IP6K1: variants seen among roughly 807,000 people sequenced by gnomAD.
IP6K1 encodes ATP:1D-myo-inositol-hexakisphosphate phosphotransferase.
Under a neutral mutation model 38.3 loss-of-function variants are expected in IP6K1, and 13 were observed. The observed-to-expected ratio is 0.34, with a 90% confidence interval of 0.22 to 0.54. The LOEUF is 0.54. Ranked by LOEUF, IP6K1 falls within the 20% of genes least tolerant of loss-of-function variation. The probability of loss-of-function intolerance (pLI) is 0.92; values close to 1 mark genes in which losing one functional copy is unlikely to be tolerated. For missense variants in IP6K1, 397 were observed against 599.8 expected (o/e 0.66, Z 3.53); for synonymous variants, 212 against 229.9 (o/e 0.92, Z 0.70).
At chr3:49,740,203 C>G (rs888104951) in intron 2 of IP6K1, among the ~76,000 whole-genome samples, 2 of 143,258 alleles carry the variant, frequency 1.4e-5, no homozygotes, top group Non-Finnish European at 3.0e-5. Context: ...ATAGATCGAT[C>G]GATAGAAACA....
chr3:49,747,992 T>C lies in IP6K1; in HGVS notation c.49A>G (p.Ser17Gly). The C allele has an allele frequency of 6.2e-7, 1 of 1,613,936 alleles. No homozygotes were observed. The highest frequency in any genetic ancestry group is 8.5e-7 in the Non-Finnish European group (1 of 1,180,042). Residue 17 changes from serine (S) to glycine (G), a missense_variant, in exon 2 of 6, where the codon AGT becomes GGT. Physicochemically the swap from Ser to Gly is moderately conservative, Grantham distance 56 (BLOSUM62 0). Coordinates refer to ENST00000321599, the MANE Select transcript of IP6K1 (RefSeq NM_153273.4). ...AGGACTCCCCGGTCTCCAGCCCGAC[T>C]TGCATTCTTGCCATACTGCCCCACT... ...MEVGQYGKNASRAGDRGVLLE... is the reference protein window; with the variant it reads ...MEVGQYGKNAGRAGDRGVLLE...
intron 1 of IP6K1, among the ~76,000 whole-genome samples, chr3:49,773,750 G>A (rs2080981128): frequency 6.6e-6 from 1 of 152,138 alleles, no homozygotes. Context: ...ACTGTCTCCA[G>A]GTAAAGTACC....
chr3:49,736,984 G>C (rs2080618465), intron 3 of IP6K1, among the ~76,000 whole-genome samples: 1 of 151,674 alleles, frequency 6.6e-6, no homozygotes, highest in Non-Finnish European at 1.5e-5. Flanking sequence ...GTGTTAGCCA[G>C]GATGGTCTCG....
intron 1 of IP6K1, among the ~76,000 whole-genome samples, chr3:49,777,689 C>T (rs1373573267): frequency 2.0e-5 from 3 of 150,220 alleles, no homozygotes; most frequent in Non-Finnish European, 3.0e-5. Flanking sequence ...CCGAGATGGG[C>T]GGATCACAAG....
rs2080527035 is a variant in IP6K1, at chr3:49,728,206, C to T, written c.689G>A (p.Arg230Gln). ...PCVLDLKMGT[R>Q]QHGDDASAEK... ...AGCTGACGCGTCATCGCCATGCTGC[C>T]GCGTGCCCATCTTCAGGTCCAACAC... is the stretch of plus-strand genomic sequence containing the variant. The change falls in exon 5 of 6, where the codon CGG becomes CAG. Residue 230 changes from arginine to glutamine, a missense_variant. By Grantham distance (43) the Arg-to-Gln change is conservative (BLOSUM62 1). Coordinates refer to ENST00000321599, the MANE Select transcript of IP6K1 (RefSeq NM_153273.4). 1 of 1,614,032 alleles carries T rather than the reference C, an allele frequency of 6.2e-7. No homozygotes were observed. Among genetic ancestry groups the T allele is most frequent in the African/African-American group, 1.3e-5 (1 of 74,924 alleles).
intron 1 of IP6K1, among the ~76,000 whole-genome samples, chr3:49,761,775 A>C (rs2080870193): frequency 6.6e-6 from 1 of 151,904 alleles, no homozygotes; most frequent in Non-Finnish European, 1.5e-5. Flanking sequence ...TCAACAGAGA[A>C]AGACTCTGTC....
At position 49,759,533 on chromosome 3, in the gene IP6K1, A is replaced by G. The variant is rs555857884; in HGVS notation, c.-128-11365T>C. 2.0e-5 allele frequency among the ~76,000 whole-genome samples: 3 copies of G among 152,298 alleles called. 1 individual carries two copies. The Middle Eastern group carries it at 0.01, about 518-fold the overall frequency. Reference sequence around the variant, plus strand: ...ATTTCTTATATAGTTAGACATTTAGAAAACAGTGTAAGGAGATTTCAGGGC... The same window carrying G: ...ATTTCTTATATAGTTAGACATTTAGGAAACAGTGTAAGGAGATTTCAGGGC... On this transcript the variant is annotated intron_variant, in intron 1 of 5. Transcript: ENST00000321599.
Position 49,738,366 on chromosome 3 carries a change from A to T in IP6K1, c.280T>A (p.Tyr94Asn). Residue 94 changes from tyrosine (Y) to asparagine (N), a missense_variant, in exon 3 of 6, where the codon TAT becomes AAT. Around this residue, in one of 3 missense-constraint regions of IP6K1, gnomAD observed 171 missense variants for 237.0 expected, o/e 0.72. Coordinates refer to ENST00000321599, the MANE Select transcript of IP6K1 (RefSeq NM_153273.4). ...DSDGYINLVA[Y>N]PYVESETVEQ... is the part of the protein sequence containing the mutation. ...ACAGTCTCACTTTCCACATAAGGAT[A>T]GGCCACTAAGTTGATGTAACCATCA... The T allele has an allele frequency of 6.2e-7, 1 of 1,614,190 alleles. No homozygotes were observed. The highest frequency in any genetic ancestry group is 8.5e-7 in the Non-Finnish European group (1 of 1,180,026).
At chr3:49,768,252 A>C (rs1441975206) in intron 1 of IP6K1, among the ~76,000 whole-genome samples, 1 of 152,232 alleles carries the variant, frequency 6.6e-6, no homozygotes, top group Non-Finnish European at 1.5e-5. Flanking sequence ...CAATGTTCAC[A>C]GCATTATTCA....
chr3:49,729,347 GT>G (rs1378591861), intron 4 of IP6K1, among the ~76,000 whole-genome samples: 2 of 151,600 alleles, frequency 1.3e-5, no homozygotes, highest in African/African-American at 4.8e-5. Context: ...TTTTGTTGTT[GT>G]TTTTTGGTTT....
At chr3:49,733,749 G>C (rs2080582815) in intron 3 of IP6K1, among the ~76,000 whole-genome samples, 1 of 152,220 alleles carries the variant, frequency 6.6e-6, no homozygotes, top group South Asian at 2.1e-4. Flanking sequence ...GCTGGGGGAA[G>C]GAGGAATGGG....
chr3:49,757,703 A>G (rs1201967401), intron 1 of IP6K1, among the ~76,000 whole-genome samples: 1 of 152,074 alleles, frequency 6.6e-6, no homozygotes, highest in Non-Finnish European at 1.5e-5. Context: ...CTGGGTAACA[A>G]AGTGAGTCCC....
At chr3:49,749,413 T>C (rs2080752445) in intron 1 of IP6K1, among the ~76,000 whole-genome samples, 1 of 152,220 alleles carries the variant, frequency 6.6e-6, no homozygotes, top group South Asian at 2.1e-4. Flanking sequence ...AGTTGGCAAA[T>C]TTCTTAACAC....
chr3:49,731,887 CAA>C lies in IP6K1; in HGVS notation c.616+902_616+903del, dbSNP rs71080545. 1.0e-3 allele frequency among the ~76,000 whole-genome samples: 65 copies of C among 65,316 alleles called. 1 individual carries two copies. The highest frequency in any genetic ancestry group is 1.3e-3 in the Non-Finnish European group (45 of 33,906). 42.8% of individuals were successfully genotyped at this position (65,316 alleles called of 152,430 possible). ...TGGGTAACAGAGTGAGACTCTGTCT[CAA>C]AAAAAAAAAAAAAAAAGGAATTCCT... On this transcript the variant is annotated intron_variant, in intron 4 of 5. Transcript: ENST00000321599.
At chr3:49,785,230 G>A (rs2081101044) in intron 1 of IP6K1, among the ~76,000 whole-genome samples, 4 of 151,910 alleles carry the variant, frequency 2.6e-5, no homozygotes, top group Admixed American at 1.3e-4. Context: ...AATTTGCGCC[G>A]GGCATAGTGG....
At chr3:49,747,232 T>C (rs978787857) in intron 2 of IP6K1, among the ~76,000 whole-genome samples, 3 of 152,318 alleles carry the variant, frequency 2.0e-5, no homozygotes, top group Non-Finnish European at 2.9e-5. Context: ...CATAAAAATT[T>C]ATAAACACTG....
chr3:49,763,161 T>TG (rs1231781129), intron 1 of IP6K1, among the ~76,000 whole-genome samples: 1 of 146,440 alleles, frequency 6.8e-6, no homozygotes, highest in Non-Finnish European at 1.5e-5. Flanking sequence ...TGAAGTGTAG[T>TG]GGCGCAATCT....
In IP6K1 at chr3:49,727,552, T is replaced by C. The variant is rs1352863152; in HGVS notation, c.896A>G (p.Asn299Ser). The change falls in exon 6 of 6, where the codon AAT becomes AGT. Residue 299 changes from asparagine (N) to serine (S), a missense_variant. Coordinates refer to ENST00000321599, the MANE Select transcript of IP6K1 (RefSeq NM_153273.4). The surrounding 1 kb of genome is among the most constrained non-coding windows in gnomAD (Gnocchi z 5.9). ...FRNALYQYLH[N>S]GLDLRRDLFE... ...CAGGTCACGTCGCAGGTCCAGGCCA[T>C]TGTGCAGATATTGATAGAGGGCATT... The C allele has an allele frequency of 4.3e-6, 7 of 1,614,160 alleles. No individual in the cohort carries two copies. The highest frequency in any genetic ancestry group is 1.7e-5 in the Admixed American group (1 of 60,028).
At chr3:49,736,510 A>G (rs2080613358) in intron 3 of IP6K1, among the ~76,000 whole-genome samples, 1 of 151,950 alleles carries the variant, frequency 6.6e-6, no homozygotes, top group African/African-American at 2.4e-5. Context: ...ATTTAACATA[A>G]TGTTTTCATG....
Sources: gnomAD v4.1 joint callset for allele counts (sites outside exome capture counted in the v4.1 genomes callset) on GRCh38, gnomAD v4.1.1 for gene constraint, gnomAD v4.1.1 regional missense constraint, Gnocchi (gnomAD v3.1) non-coding constraint, MANE v1.5 for transcripts, NCBI Gene and HGNC (gene_info 2026-07-23, HGNC 2026-07-21) for gene names.